Variants in MND1 observed in about 807,000 individuals in gnomAD.
MND1 encodes the protein meiotic nuclear division protein 1 homolog.
A neutral mutation model predicts 35.1 loss-of-function variants in MND1; 28 were observed. The observed-to-expected ratio is 0.80, with a 90% confidence interval of 0.59 to 1.09. MND1 has a LOEUF of 1.09. Among genes scored for constraint, MND1 ranks in the 50% least tolerant of loss-of-function variants. MND1 has a pLI of 0.00. For missense variants in MND1, 213 were observed against 239.6 expected (o/e 0.89, Z 0.73); for synonymous variants, 69 against 70.5 (o/e 0.98, Z 0.11).
At position 153,363,652 on chromosome 4, in the gene MND1, G is replaced by T. The variant is rs143581271; in HGVS notation, c.276+5030G>T. On this transcript the variant is annotated intron_variant, in intron 4 of 7. Coordinates refer to ENST00000240488, the MANE Select transcript of MND1 (RefSeq NM_032117.4). The stretch of plus-strand genomic sequence containing the variant: ...GAGGACAGTGGGAGAAAAGGAAGAG[G>T]CTAGAGAAGGATTGGTGAAGAGATA... 2.5e-3 allele frequency among the ~76,000 whole-genome samples: 377 copies of T among 152,302 alleles called. 2 individuals carry two copies. Among genetic ancestry groups the T allele is most frequent in the African/African-American group, 8.6e-3 (359 of 41,560 alleles).
At chr4:153,393,068 A>G (rs538066503) in intron 4 of MND1, among the ~76,000 whole-genome samples, 14 of 152,246 alleles carry the variant, frequency 9.2e-5, no homozygotes, top group African/African-American at 2.6e-4. Flanking sequence ...GTAGGGAGTC[A>G]TGATCGTGAC....
intron 4 of MND1, among the ~76,000 whole-genome samples, chr4:153,367,375 T>C (rs1468502888): frequency 6.6e-6 from 1 of 152,224 alleles, no homozygotes. Flanking sequence ...ATTTCCCTGT[T>C]CTGGACATTC....
At chr4:153,387,107 C>T (rs1728890750) in intron 4 of MND1, among the ~76,000 whole-genome samples, 1 of 152,160 alleles carries the variant, frequency 6.6e-6, no homozygotes. Context: ...AAGTATGTTT[C>T]ACAACACAGA....
intron 7 of MND1, among the ~76,000 whole-genome samples, chr4:153,410,437 A>T (rs1310935707): frequency 6.6e-6 from 1 of 152,204 alleles, no homozygotes; most frequent in Non-Finnish European, 1.5e-5. Flanking sequence ...AACATGTGTT[A>T]TGCAAAGACA....
chr4:153,363,093 GC>G (rs952390796), intron 4 of MND1: 1 of 813,922 alleles, frequency 1.2e-6, no homozygotes, highest in Non-Finnish European at 1.5e-6. Flanking sequence ...CTCAGTTCTA[GC>G]TCTCCTTGTC....
Position 153,358,608 on chromosome 4 carries a change from G to T in MND1, c.262G>T (p.Val88Phe), listed in dbSNP as rs1285450320. 2 of 1,612,116 alleles carry T rather than the reference G, an allele frequency of 1.2e-6. No individual in the cohort carries two copies. The highest frequency in any genetic ancestry group is 1.7e-5 in the Admixed American group (1 of 59,760). Residue 88 changes from valine (V) to phenylalanine (F), a missense_variant, in exon 4 of 8, where the codon GTT becomes TTT. Physicochemically the swap from Val to Phe is conservative, Grantham distance 50 (BLOSUM62 -1). Transcript: ENST00000240488. The stretch of plus-strand genomic sequence containing the variant: ...TCATGCAAGGAAACATAAGTTGGAG[G>T]TTCTGGAATCTCAGGTAAGCTGCCA... ...ALHARKHKLE[V>F]LESQLSEGSQ... is the part of the protein sequence containing the mutation.
intron 4 of MND1, among the ~76,000 whole-genome samples, chr4:153,374,709 A>G (rs894312440): frequency 1.3e-5 from 2 of 152,036 alleles, no homozygotes; most frequent in Non-Finnish European, 2.9e-5. Flanking sequence ...TCCCTTGAGA[A>G]CAGACATTCT....
At chr4:153,408,251 C>A (rs183805095) in intron 6 of MND1, among the ~76,000 whole-genome samples, 1 of 152,084 alleles carries the variant, frequency 6.6e-6, no homozygotes, top group Non-Finnish European at 1.5e-5. Context: ...GCTTGGGAGA[C>A]AGAGTGAGAC....
chr4:153,350,103 C>CA lies in MND1; in HGVS notation c.43_44insA (p.Arg15GlnfsTer8). The CA allele has an allele frequency of 6.2e-7, 1 of 1,604,884 alleles. No individual in the cohort carries two copies. The highest frequency in any genetic ancestry group is 8.5e-7 in the Non-Finnish European group (1 of 1,176,222). The stretch of plus-strand genomic sequence containing the variant: ...ACTGAGTGCAGAAGAAAAGAGAACT[C>CA]GCATGATGGAAATATTTTCTGAAAC... On this transcript the variant is annotated frameshift_variant, in exon 2 of 8. Transcript: ENST00000240488. LOFTEE classifies it high-confidence loss of function.
At chr4:153,390,889 ATGTGTGTG>A (rs58003087) in intron 4 of MND1, among the ~76,000 whole-genome samples, 3 of 139,774 alleles carry the variant, frequency 2.1e-5, no homozygotes, top group Non-Finnish European at 3.1e-5. Flanking sequence ...AGGTATATAT[ATGTGTGTG>A]TGTGTGTGTG....
chr4:153,372,820 T>G (rs1470875264), intron 4 of MND1, among the ~76,000 whole-genome samples: 1 of 152,202 alleles, frequency 6.6e-6, no homozygotes, highest in African/African-American at 2.4e-5. Context: ...CTGAGTGGAA[T>G]TTCAGTGTAT....
At position 153,358,474 on chromosome 4, in the gene MND1, C is replaced by A; in HGVS notation, c.128C>A (p.Thr43Asn). 1 of 1,585,996 alleles carries A rather than the reference C, an allele frequency of 6.3e-7. No individual in the cohort carries two copies. The highest frequency in any genetic ancestry group is 1.2e-5 in the South Asian group (1 of 84,008). The part of the protein sequence containing the change: ...EKIAPKEKGI[T>N]AMSVKEVLQS... ...AGAGTCTTTAAAAATTGTCTCTTAG[C>A]TGCTATGTCAGTAAAAGAAGTCCTT... Residue 43 changes from threonine to asparagine, a missense_variant and splice_region_variant, in exon 4 of 8, where the codon ACT (threonine) becomes AAT (asparagine). Coordinates refer to ENST00000240488, the MANE Select transcript of MND1 (RefSeq NM_032117.4).
chr4:153,389,463 C>G (rs748015473), intron 4 of MND1, among the ~76,000 whole-genome samples: 7 of 152,082 alleles, frequency 4.6e-5, no homozygotes, highest in African/African-American at 1.7e-4. Flanking sequence ...TGGGTTCAAG[C>G]GATTCTCCTG....
chr4:153,409,370 C>A (rs1371374346), intron 7 of MND1, among the ~76,000 whole-genome samples: 1 of 149,380 alleles, frequency 6.7e-6, no homozygotes, highest in African/African-American at 2.5e-5. Context: ...TATCATCTTG[C>A]TAATAATAAT....
intron 7 of MND1, among the ~76,000 whole-genome samples, chr4:153,412,315 C>T (rs138171344): frequency 6.1e-4 from 92 of 152,050 alleles, no homozygotes; most frequent in African/African-American, 2.2e-3. Context: ...CTAGAGATGC[C>T]GCAACAAAAC....
chr4:153,349,726 A>C (rs959331385), intron 1 of MND1, among the ~76,000 whole-genome samples: 2 of 152,230 alleles, frequency 1.3e-5, no homozygotes, highest in African/African-American at 4.8e-5. Context: ...TGGTGCATGT[A>C]GCTGTTCATT....
intron 4 of MND1, among the ~76,000 whole-genome samples, chr4:153,390,889 A>ATATGTGTGTGTGTGTG (rs757236550): frequency 3.7e-4 from 52 of 139,854 alleles, no homozygotes; most frequent in Admixed American, 5.1e-4. Flanking sequence ...AGGTATATAT[A>ATATGTGTGTGTGTGTG]TGTGTGTGTG....
chr4:153,393,616 C>T (rs369143637), intron 4 of MND1, among the ~76,000 whole-genome samples: 4 of 151,754 alleles, frequency 2.6e-5, no homozygotes, highest in South Asian at 2.1e-4. Context: ...TGGGATCATG[C>T]GATCTGCCTG....
chr4:153,360,540 T>C (rs1579903589), intron 4 of MND1, among the ~76,000 whole-genome samples: 1 of 151,816 alleles, frequency 6.6e-6, no homozygotes, highest in African/African-American at 2.4e-5. Context: ...TGTACATACA[T>C]GTCCAAAGTA....
Sources: gnomAD v4.1 joint callset for allele counts (sites outside exome capture counted in the v4.1 genomes callset) on GRCh38, gnomAD v4.1.1 for gene constraint, MANE v1.5 for transcripts, NCBI Gene and HGNC (gene_info 2026-07-23, HGNC 2026-07-21) for gene names.